LAMP5: variants seen among roughly 807,000 people sequenced by gnomAD.
LAMP5 encodes lysosome-associated membrane glycoprotein 5.
A neutral mutation model predicts 30.2 loss-of-function variants in LAMP5; 36 were observed. The observed-to-expected ratio is 1.19, with a 90% CI of 0.91 to 1.57. The LOEUF (loss-of-function observed/expected upper bound fraction) is 1.57. LAMP5 is among the 40% of genes most tolerant of loss of function. The pLI is 0.00. For synonymous variants in LAMP5, 149 were observed against 134.6 expected (o/e 1.11, Z -0.74); for missense variants, 377 against 354.9 (o/e 1.06, Z -0.50).
At chr20:9,519,016 C>T (rs561243669) in intron 5 of LAMP5, among the ~76,000 whole-genome samples, 1 of 152,318 alleles carries the variant, frequency 6.6e-6, no homozygotes, top group Admixed American at 6.5e-5. Context: ...TGTGCTGTGG[C>T]AGGTTCAGGT....
rs751690343 is a variant in LAMP5, at chr20:9,516,130, A to C, written c.368A>C (p.Lys123Thr). Reference sequence around the variant, plus strand: ...TATGCACTCAAAATGCTCTTTGTAAAGGTAACTCCGAGCCCAGCGGGCAGA... The same window carrying C: ...TATGCACTCAAAATGCTCTTTGTAACGGTAACTCCGAGCCCAGCGGGCAGA... ...RAYALKMLFV[K>T]ESHNMSKGPE... Residue 123 changes from lysine (K) to threonine (T), a missense_variant and splice_region_variant, in exon 3 of 6, where the codon AAG (lysine) becomes ACG (threonine). Physicochemically the swap from Lys to Thr is moderately conservative, Grantham distance 78. Transcript: ENST00000246070. The C allele has an allele frequency of 6.4e-7, 1 of 1,561,836 alleles. No individual in the cohort carries two copies. The highest frequency in any genetic ancestry group is 8.6e-7 in the Non-Finnish European group (1 of 1,156,840).
chr20:9,516,850 G>A (rs2045044205), intron 4 of LAMP5, among the ~76,000 whole-genome samples: 1 of 152,016 alleles, frequency 6.6e-6, no homozygotes, highest in African/African-American at 2.4e-5. Context: ...TTCAGTCATC[G>A]ACTGCAGCTA....
intron 5 of LAMP5, among the ~76,000 whole-genome samples, chr20:9,525,299 ATG>A (rs2045105301): frequency 6.6e-6 from 1 of 152,224 alleles, no homozygotes; most frequent in African/African-American, 2.4e-5. Context: ...GAAGACTTAA[ATG>A]TATAAGACTT....
chr20:9,515,668 AG>A (rs768732409), intron 2 of LAMP5, 43 bp downstream of exon 2: 1 of 1,595,076 alleles, frequency 6.3e-7, no homozygotes, highest in Non-Finnish European at 8.6e-7. Context: ...CTAGGGCTCC[AG>A]GGCGAAGGGC....
rs769578321 is a variant in LAMP5 at position 9,516,023 on chromosome 20, C to G, written c.261C>G (p.Ile87Met). ...AGCTGATCACAGAACAGGCCGATATCGCATTGACCCGGGGAGCTGAGGTGA... is the reference window on the plus strand; with the variant it reads ...AGCTGATCACAGAACAGGCCGATATGGCATTGACCCGGGGAGCTGAGGTGA... Reference protein sequence around the residue: ...YVDLITEQADIALTRGAEVKG... With the variant: ...YVDLITEQADMALTRGAEVKG... The change falls in exon 3 of 6, where the codon ATC (isoleucine) becomes ATG (methionine). Residue 87 changes from isoleucine (I) to methionine (M), a missense_variant. By Grantham distance (10) the Ile-to-Met change is conservative. Transcript: ENST00000246070. The G allele has an allele frequency of 6.5e-7, 1 of 1,527,774 alleles. No individual in the cohort carries two copies. Among genetic ancestry groups the G allele is most frequent in the South Asian group, 1.3e-5 (1 of 74,878 alleles). The allele number at this position is 1,527,774 out of a possible 1,614,324, so 94.6% of individuals were successfully genotyped here. A position where few individuals can be genotyped will look rare whatever the true frequency, so the allele number is the denominator to read the frequency against.
intron 5 of LAMP5, among the ~76,000 whole-genome samples, chr20:9,527,589 G>A (rs570651021): frequency 6.6e-5 from 10 of 152,264 alleles, no homozygotes; most frequent in African/African-American, 2.2e-4. Context: ...TTACTTGGTC[G>A]TCTGGACTTA....
chr20:9,527,207 T>A (rs2045120554), intron 5 of LAMP5, among the ~76,000 whole-genome samples: 1 of 152,122 alleles, frequency 6.6e-6, no homozygotes, highest in Non-Finnish European at 1.5e-5. Flanking sequence ...GTCTGTTAAG[T>A]GCTGCCCCAA....
chr20:9,516,550 G>A (rs1338547114), intron 4 of LAMP5, among the ~76,000 whole-genome samples, 189 bp downstream of exon 4: 1 of 152,126 alleles, frequency 6.6e-6, no homozygotes. Context: ...AGGCCTTGTA[G>A]ATCCGCCAGG....
chr20:9,515,536 G>A lies in LAMP5; in HGVS notation c.148G>A (p.Val50Met), dbSNP rs1327688705. ...STNPEKDIFV[V>M]RENGTTCLMA... ...TAACCCTGAAAAAGATATATTTGTG[G>A]TGCGGGAAAATGGGACGACGTGTCT... is the stretch of plus-strand genomic sequence containing the variant. Residue 50 changes from valine (V) to methionine (M), a missense_variant, in exon 2 of 6, where the codon GTG becomes ATG. Transcript: ENST00000246070. 1.2e-6 allele frequency: 2 copies of A among 1,614,056 alleles called. No homozygotes were observed. Among genetic ancestry groups the A allele is most frequent in the South Asian group, 1.1e-5 (1 of 91,086 alleles).
chr20:9,529,230 C>T (rs2045133938), intron 5 of LAMP5, among the ~76,000 whole-genome samples: 1 of 152,172 alleles, frequency 6.6e-6, no homozygotes, highest in African/African-American at 2.4e-5. Flanking sequence ...CACATCATCA[C>T]CAACACTTGG....
At chr20:9,515,052 TA>T (rs2045025562) in intron 1 of LAMP5, 136 bp downstream of exon 1, 1 of 827,912 alleles carries the variant, frequency 1.2e-6, no homozygotes, top group African/African-American at 1.7e-5. Context: ...TTTTTTCTTT[TA>T]GGGGAGGAGG....
At chr20:9,529,210 C>T (rs2045133831) in intron 5 of LAMP5, among the ~76,000 whole-genome samples, 1 of 152,178 alleles carries the variant, frequency 6.6e-6, no homozygotes, top group African/African-American at 2.4e-5. Context: ...GTTACAAGTT[C>T]CTGTCATTCC....
rs780064366 is a variant in LAMP5, at chr20:9,514,871, G to C, written c.19G>C (p.Gly7Arg). The C allele has an allele frequency of 3.1e-6, 5 of 1,614,202 alleles. No homozygotes were observed. The South Asian group carries it at 5.5e-5, about 18-fold the overall frequency. The change falls in exon 1 of 6, where the codon GGG becomes CGG. Residue 7 changes from glycine to arginine, a missense_variant. Transcript: ENST00000246070. MDLQGR[G>R]VPSIDRLRVL... ...TGCGAGTATGGATCTCCAAGGAAGAGGGGTCCCCAGCATCGACAGACTTCG... is the reference window on the plus strand; with the variant it reads ...TGCGAGTATGGATCTCCAAGGAAGACGGGTCCCCAGCATCGACAGACTTCG...
chr20:9,515,435 G>A lies in LAMP5; in HGVS notation c.65-18G>A, dbSNP rs371363059. The A allele has an allele frequency of 1.0e-4, 166 of 1,609,810 alleles. No individual in the cohort carries two copies. In the African/African-American group the frequency reaches 1.8e-3, roughly 18 times the overall value. On this transcript the variant is annotated intron_variant, in intron 1 of 5. Coordinates refer to ENST00000246070, the MANE Select transcript of LAMP5 (RefSeq NM_012261.4). ...GGCTGAGCCCTGAACTGATGGAATT[G>A]TTTTGTTTGTTCCGCAGATACAATG...
chr20:9,527,971 A>G (rs888844934), intron 5 of LAMP5, among the ~76,000 whole-genome samples: 6 of 152,256 alleles, frequency 3.9e-5, no homozygotes, highest in Admixed American at 2.6e-4. Flanking sequence ...CTTAAAAATT[A>G]TAGCATAATT....
At chr20:9,522,252 T>C (rs542914707) in intron 5 of LAMP5, among the ~76,000 whole-genome samples, 1 of 152,326 alleles carries the variant, frequency 6.6e-6, no homozygotes. Context: ...AGACGCCACT[T>C]AATCTGTATT....
Position 9,529,657 on chromosome 20 carries a change from T to G in LAMP5, c.680T>G (p.Val227Gly). 1 of 1,614,172 alleles carries G rather than the reference T, an allele frequency of 6.2e-7. No homozygotes were observed. The highest frequency in any genetic ancestry group is 1.3e-5 in the African/African-American group (1 of 75,064). Residue 227 changes from valine to glycine, a missense_variant, in exon 6 of 6, where the codon GTG (valine) becomes GGG (glycine). Transcript: ENST00000246070. ...FVFSEEHKCP[V>G]DEREQLEETL... ...CCCATTGCAGAGCATAAATGCCCAGTGGATGAGCGGGAGCAACTGGAAGAA... is the reference window on the plus strand; with the variant it reads ...CCCATTGCAGAGCATAAATGCCCAGGGGATGAGCGGGAGCAACTGGAAGAA...
chr20:9,518,517 T>C (rs955111258), intron 5 of LAMP5, among the ~76,000 whole-genome samples: 4 of 152,212 alleles, frequency 2.6e-5, no homozygotes, highest in Admixed American at 6.5e-5. Context: ...CTTTACCTTC[T>C]TCCCTCCCTT....
At chr20:9,515,687 C>T in intron 2 of LAMP5, 62 bp downstream of exon 2, 1 of 1,556,566 alleles carries the variant, frequency 6.4e-7, no homozygotes, top group East Asian at 2.2e-5. Flanking sequence ...GGCACCCTTC[C>T]TCAAGGCTCT....
Sources: allele counts gnomAD v4.1 joint callset (sites outside exome capture counted in the v4.1 genomes callset), GRCh38; gene constraint gnomAD v4.1.1; transcripts MANE v1.5; gene names NCBI Gene and HGNC (gene_info 2026-07-23, HGNC 2026-07-21).